The following ATG2B variants were observed in gnomAD, a reference collection of about 807,000 sequenced individuals.
The protein encoded by ATG2B is autophagy-related protein 2 homolog B.
ATG2B carries 121 observed loss-of-function variants against 241.3 expected under a neutral mutation model. The ratio of observed to expected loss-of-function variants is 0.50; its 90% CI spans 0.43 to 0.58. The LOEUF (loss-of-function observed/expected upper bound fraction) is 0.58. Among genes scored for constraint, ATG2B ranks in the 20% least tolerant of loss-of-function variants. The pLI is 0.00. For missense variants in ATG2B, 2,306 were observed against 2,491.6 expected (o/e 0.93, Z 1.59); for synonymous variants, 858 against 876.6 (o/e 0.98, Z 0.37).
intron 29 of ATG2B, among the ~76,000 whole-genome samples, chr14:96,308,511 G>A (rs1474217244): frequency 1.4e-5 from 2 of 142,428 alleles, no homozygotes; most frequent in African/African-American, 2.6e-5. Flanking sequence ...CCATGTTGCC[G>A]AGGCTGGTCT....
intron 1 of ATG2B, among the ~76,000 whole-genome samples, chr14:96,359,833 ATG>A (rs1888576716): frequency 6.6e-6 from 1 of 152,230 alleles, no homozygotes; most frequent in African/African-American, 2.4e-5. Context: ...ATTCATAAGG[ATG>A]TGAGAGGAAA....
In ATG2B at chr14:96,307,021, CTCATT is replaced by C. The variant is rs1156234813; in HGVS notation, c.4304-110_4304-106del. On this transcript the variant is annotated intron_variant, in intron 29 of 41. Transcript: ENST00000359933. ...TGTTGTGTGCTTTTACCTGCAATAT[CTCATT>C]TATTTCCTAAAATAAGTCTATGAAT... 2.1e-5 allele frequency: 19 copies of C among 918,538 alleles called. No individual in the cohort carries two copies. In the African/African-American group the frequency reaches 2.2e-4, roughly 10 times the overall value. 56.9% of individuals were successfully genotyped at this position (918,538 alleles called of 1,614,324 possible).
At chr14:96,361,530 T>C (rs1257200348) in intron 1 of ATG2B, among the ~76,000 whole-genome samples, 1 of 152,202 alleles carries the variant, frequency 6.6e-6, no homozygotes, top group Non-Finnish European at 1.5e-5. Flanking sequence ...ATCAAAAGTA[T>C]AGAATCATGG....
At position 96,311,729 on chromosome 14, in the gene ATG2B, A is replaced by C. The variant is rs374165548; in HGVS notation, c.3914-111T>G. The C allele has an allele frequency of 5.0e-5, 33 of 664,142 alleles. No individual in the cohort carries two copies. The Middle Eastern group carries it at 7.5e-4, about 15-fold the overall frequency. The allele number at this position is 664,142 out of a possible 1,614,324, so 41.1% of individuals were successfully genotyped here. A position where few individuals can be genotyped will look rare whatever the true frequency, so the allele number is the denominator to read the frequency against. ...TTTAAAATTCATTGCAGAGAGCACT[A>C]CAAATAATTATAATGCAATGAAAAT... On this transcript the variant is annotated intron_variant, in intron 26 of 41. Transcript: ENST00000359933.
chr14:96,304,409 G>C, intron 32 of ATG2B, 86 bp downstream of exon 32: 2 of 962,256 alleles, frequency 2.1e-6, no homozygotes. Context: ...GGGACTTAAG[G>C]CTCAAGACTA....
rs1875052030 is a variant in ATG2B at position 96,341,719 on chromosome 14, A to G, written c.745-18T>C. The G allele has an allele frequency of 2.7e-6, 4 of 1,495,832 alleles. No individual in the cohort carries two copies. The highest frequency in any genetic ancestry group is 3.6e-6 in the Non-Finnish European group (4 of 1,115,606). 92.7% of individuals were successfully genotyped at this position (1,495,832 alleles called of 1,614,324 possible). A position where few individuals can be genotyped will look rare whatever the true frequency, so the allele number is the denominator to read the frequency against. ...TCAGTTTCCTACAATAAAGTGACAA[A>G]AATAATTATTTAAAATACTTTCATA... On this transcript the variant is annotated intron_variant, in intron 5 of 41. Transcript: ENST00000359933.
chr14:96,316,398 T>G, intron 21 of ATG2B, 135 bp downstream of exon 21: 1 of 861,584 alleles, frequency 1.2e-6, no homozygotes, highest in Non-Finnish European at 1.8e-6. Context: ...TAAATATTAC[T>G]TTGACAGCAG....
chr14:96,341,935 A>G (rs1010648411), intron 5 of ATG2B, among the ~76,000 whole-genome samples: 1 of 152,194 alleles, frequency 6.6e-6, no homozygotes, highest in African/African-American at 2.4e-5. Flanking sequence ...GAAAAAAAGC[A>G]CAGTATCTGT....
chr14:96,333,989 C>T (rs1421687631), intron 7 of ATG2B, 116 bp from the exon 8 acceptor site: 2 of 835,956 alleles, frequency 2.4e-6, no homozygotes, highest in Non-Finnish European at 3.9e-6. Context: ...CAGTGCAAAA[C>T]CACTGCTATT....
In ATG2B at chr14:96,295,124, C is replaced by T; in HGVS notation, c.5262G>A (p.Arg1754=). Residue 1754 remains arginine (R), a synonymous_variant, in exon 36 of 42, where the codon AGG becomes AGA. Coordinates refer to ENST00000359933, the MANE Select transcript of ATG2B (RefSeq NM_018036.7). ...PGADVTCSLP[R]HLSTSKEPNL... is the part of the protein sequence containing the mutation. ...TTGGCTCCTTTGAGGTACTCAAATG[C>T]CTTGGCAAACTGCAGGTGACATCAG... 6.2e-7 allele frequency: 1 copy of T among 1,614,126 alleles called. No homozygotes were observed. The highest frequency in any genetic ancestry group is 8.5e-7 in the Non-Finnish European group (1 of 1,180,018).
intron 41 of ATG2B, among the ~76,000 whole-genome samples, chr14:96,286,905 A>T (rs1286084187): frequency 6.6e-6 from 1 of 152,158 alleles, no homozygotes; most frequent in African/African-American, 2.4e-5. Flanking sequence ...AGTTAACAAG[A>T]GCGTCCTATC....
intron 13 of ATG2B, 69 bp from the exon 14 acceptor site, chr14:96,328,604 C>A: frequency 6.4e-7 from 1 of 1,552,920 alleles, no homozygotes; most frequent in South Asian, 1.2e-5. Flanking sequence ...GGGTTAAAAC[C>A]TTATAATTGT....
At chr14:96,324,530 T>C (rs1292177085) in intron 15 of ATG2B, among the ~76,000 whole-genome samples, 2 of 151,866 alleles carry the variant, frequency 1.3e-5, no homozygotes, top group East Asian at 1.9e-4. Context: ...TACTAAAAAA[T>C]ACAAAAATTA....
chr14:96,339,009 C>A (rs185579658), intron 6 of ATG2B, among the ~76,000 whole-genome samples: 3 of 151,812 alleles, frequency 2.0e-5, no homozygotes, highest in South Asian at 2.1e-4. Flanking sequence ...ATTTAAACAG[C>A]CAACAACCAT....
Position 96,285,659 on chromosome 14 carries a change from C to G in ATG2B, c.*96G>C. On this transcript the variant is annotated 3_prime_UTR_variant, in exon 42 of 42. Coordinates refer to ENST00000359933, the MANE Select transcript of ATG2B (RefSeq NM_018036.7). The surrounding 1 kb of genome is among the most constrained non-coding windows in gnomAD (Gnocchi z 4.2). ...AAAATGCTTTTGTTCCTGAGATGAG[C>G]ACAATAAAATTAAACGAGCTTCCTC... 8.6e-7 allele frequency: 1 copy of G among 1,158,292 alleles called. No individual in the cohort carries two copies. Among genetic ancestry groups the G allele is most frequent in the South Asian group, 1.4e-5 (1 of 71,060 alleles). The allele number at this position is 1,158,292 out of a possible 1,614,324, so 71.8% of individuals were successfully genotyped here. A position where few individuals can be genotyped will look rare whatever the true frequency, so the allele number is the denominator to read the frequency against.
rs565716768 is a variant in ATG2B, at chr14:96,334,694, G to A, written c.925-193C>T. Among the ~76,000 whole-genome samples the A allele has an allele frequency of 8.7e-4, 132 of 152,158 alleles. 1 individual carries two copies. The highest frequency in any genetic ancestry group is 3.0e-3 in the African/African-American group (125 of 41,496). Reference sequence around the variant, plus strand: ...AGGCCACCAAACTGTTGTTCTAAAAGGAAAAACCCTCCTGAGAAATTCCAT... The same window carrying A: ...AGGCCACCAAACTGTTGTTCTAAAAAGAAAAACCCTCCTGAGAAATTCCAT... On this transcript the variant is annotated intron_variant, in intron 6 of 41. Transcript: ENST00000359933.
At position 96,288,528 on chromosome 14, in the gene ATG2B, T is replaced by A. The variant is rs568791499; in HGVS notation, c.6006+1128A>T. On this transcript the variant is annotated intron_variant, in intron 41 of 41. Coordinates refer to ENST00000359933, the MANE Select transcript of ATG2B (RefSeq NM_018036.7). ...TTATTCTCCCCAGTAAATCTTTTTT[T>A]CAAAGCTGACCATTGGTCTTACCTT... Among the ~76,000 whole-genome samples, 587 of 152,286 alleles carry A rather than the reference T, an allele frequency of 3.9e-3. 6 individuals carry two copies. Among genetic ancestry groups the A allele is most frequent in the African/African-American group, 0.013 (542 of 41,554 alleles).
Position 96,290,324 on chromosome 14 carries a change from G to A in ATG2B, c.5856+112C>T. 3 of 1,376,394 alleles carry A rather than the reference G, an allele frequency of 2.2e-6. No individual in the cohort carries two copies. The highest frequency in any genetic ancestry group is 9.8e-7 in the Non-Finnish European group (1 of 1,017,524). The allele number at this position is 1,376,394 out of a possible 1,614,324, so 85.3% of individuals were successfully genotyped here. On this transcript the variant is annotated intron_variant, in intron 40 of 41. Coordinates refer to ENST00000359933, the MANE Select transcript of ATG2B (RefSeq NM_018036.7). This position sits in a 1 kb window ranked among gnomAD's most constrained non-coding sequence, Gnocchi z 4.4. ...ATGACATTAAATCACTACGAATAAA[G>A]TATCTACTCACAACATTTTGTATAT...
At chr14:96,305,494 T>G (rs991039684) in intron 31 of ATG2B, 95 bp downstream of exon 31, 7 of 748,474 alleles carry the variant, frequency 9.4e-6, no homozygotes, top group Non-Finnish European at 2.1e-6. Flanking sequence ...ATCCTATTTT[T>G]CTTTTTTCTC....
Sources: allele counts gnomAD v4.1 joint callset (sites outside exome capture counted in the v4.1 genomes callset), GRCh38; gene constraint gnomAD v4.1.1; non-coding constraint Gnocchi (gnomAD v3.1); transcripts MANE v1.5; gene names NCBI Gene and HGNC (gene_info 2026-07-23, HGNC 2026-07-21).